The following IFNLR1 variants were observed in gnomAD, a reference collection of about 807,000 sequenced individuals.
IFNLR1 encodes the protein CRF2-12.
In IFNLR1, 28 loss-of-function variants were observed where a neutral mutation model predicts 52.5. The observed-to-expected ratio is 0.53, with a 90% CI of 0.40 to 0.73. The LOEUF (loss-of-function observed/expected upper bound fraction) is 0.73, where lower values mean the gene tolerates loss of function less well. Ranked by LOEUF, IFNLR1 falls within the 30% of genes least tolerant of loss-of-function variation. The probability of loss-of-function intolerance (pLI) is 0.00; values close to 1 mark genes in which losing one functional copy is unlikely to be tolerated. For synonymous variants in IFNLR1, 276 were observed against 274.9 expected, an observed-to-expected ratio of 1.00 and a Z score of -0.04; for missense variants, 623 against 659.1, an observed-to-expected ratio of 0.95 and a Z score of 0.60.
At chr1:24,162,863 C>T (rs1181856878) in intron 3 of IFNLR1, among the ~76,000 whole-genome samples, 1 of 76,426 alleles carries the variant, frequency 1.3e-5, no homozygotes, top group African/African-American at 5.7e-5. Flanking sequence ...TTCTTTCTTT[C>T]TTTCTTTCTT....
At chr1:24,178,638 G>A (rs1176752601) in intron 2 of IFNLR1, among the ~76,000 whole-genome samples, 3 of 152,152 alleles carry the variant, frequency 2.0e-5, no homozygotes, top group African/African-American at 4.8e-5. Context: ...AGCAGAGTAC[G>A]TCGCAATAGA....
intron 4 of IFNLR1, 157 bp downstream of exon 4, chr1:24,161,385 A>G: frequency 1.3e-6 from 1 of 780,608 alleles, no homozygotes; most frequent in Non-Finnish European, 2.1e-6. Flanking sequence ...TCATACTTTG[A>G]TCAGATTTTA....
intron 3 of IFNLR1, among the ~76,000 whole-genome samples, chr1:24,166,580 T>C (rs2148592885): frequency 6.6e-6 from 1 of 152,256 alleles, no homozygotes; most frequent in South Asian, 2.1e-4. Context: ...AGGGTGTTGC[T>C]CTGTCACCGA....
chr1:24,167,780 T>C (rs1644534697), intron 3 of IFNLR1, among the ~76,000 whole-genome samples: 1 of 152,142 alleles, frequency 6.6e-6, no homozygotes, highest in African/African-American at 2.4e-5. Flanking sequence ...CTGCAAGCTC[T>C]GCCTCCTGGG....
At chr1:24,186,545 G>T (rs1644740803) in intron 1 of IFNLR1, among the ~76,000 whole-genome samples, 3 of 152,018 alleles carry the variant, frequency 2.0e-5, no homozygotes. Flanking sequence ...TATCCTGGGG[G>T]CGATTTCTGG....
chr1:24,180,801 T>A lies in IFNLR1; in HGVS notation c.112A>T (p.Ser38Cys), dbSNP rs1454891291. The A allele has an allele frequency of 6.2e-7, 1 of 1,613,702 alleles. No individual in the cohort carries two copies. Among genetic ancestry groups the A allele is most frequent in the South Asian group, 1.1e-5 (1 of 91,086 alleles). ...CCTGGGAGCCATGTCAGGTACACGCTGAAGTTCTGGGAGAGCAGCGTCACA... is the reference window on the plus strand; with the variant it reads ...CCTGGGAGCCATGTCAGGTACACGCAGAAGTTCTGGGAGAGCAGCGTCACA... Reference protein sequence around the residue: ...QNVTLLSQNFSVYLTWLPGLG... With the variant: ...QNVTLLSQNFCVYLTWLPGLG... Residue 38 changes from serine to cysteine, a missense_variant, in exon 2 of 7, where the codon AGC (serine) becomes TGC (cysteine). Physicochemically the swap from Ser to Cys is moderately radical, Grantham distance 112. Transcript: ENST00000327535.
At chr1:24,186,480 A>G (rs1015631363) in intron 1 of IFNLR1, among the ~76,000 whole-genome samples, 1 of 152,118 alleles carries the variant, frequency 6.6e-6, no homozygotes, top group African/African-American at 2.4e-5. Flanking sequence ...TGATGATTGG[A>G]TTATGCCCAG....
In IFNLR1 at chr1:24,176,538, G is replaced by T. The variant is rs545232819; in HGVS notation, c.182+4193C>A. On this transcript the variant is annotated intron_variant, in intron 2 of 6. Transcript: ENST00000327535. ...AGAAAATTGGAATTAATTCAGCACG[G>T]CAAGCTATGATAAGAAATGTGCGCT... Among the ~76,000 whole-genome samples, 4 of 152,346 alleles carry T rather than the reference G, an allele frequency of 2.6e-5. No individual in the cohort carries two copies. The South Asian group carries it at 8.3e-4, about 32-fold the overall frequency.
At chr1:24,183,833 G>A (rs1222016161) in intron 1 of IFNLR1, among the ~76,000 whole-genome samples, 2 of 152,130 alleles carry the variant, frequency 1.3e-5, no homozygotes, top group East Asian at 3.9e-4. Context: ...GGGTTCAAGC[G>A]ATTCTCCTGC....
At chr1:24,179,905 T>A (rs1644671297) in intron 2 of IFNLR1, among the ~76,000 whole-genome samples, 1 of 152,230 alleles carries the variant, frequency 6.6e-6, no homozygotes, top group South Asian at 2.1e-4. Flanking sequence ...GATTCCCATC[T>A]ATGTTCGAAG....
Position 24,157,514 on chromosome 1 carries a change from A to G in IFNLR1, c.1179T>C (p.Thr393=), listed in dbSNP as rs1410400694. 1 of 1,611,380 alleles carries G rather than the reference A, an allele frequency of 6.2e-7. No individual in the cohort carries two copies. The highest frequency in any genetic ancestry group is 1.7e-5 in the Admixed American group (1 of 59,650). The change falls in exon 7 of 7, where the codon ACT becomes ACC. Residue 393 remains threonine (T), a synonymous_variant. Transcript: ENST00000327535. This position sits in a 1 kb window ranked among gnomAD's most constrained non-coding sequence, Gnocchi z 5.1. The part of the protein sequence containing the change: ...WDSSDRSWAS[T]VDSSWDRAGS... Reference sequence around the variant, plus strand: ...CAGCCCTGTCCCAGGAGGAGTCCACAGTGCTGGCCCAGCTTCTGTCTGAAG... The same window carrying G: ...CAGCCCTGTCCCAGGAGGAGTCCACGGTGCTGGCCCAGCTTCTGTCTGAAG...
Position 24,157,680 on chromosome 1 carries a change from A to ACGC in IFNLR1, c.1010_1012dup (p.Gly337dup). 6.2e-7 allele frequency: 1 copy of ACGC among 1,613,168 alleles called. No individual in the cohort carries two copies. The highest frequency in any genetic ancestry group is 1.1e-5 in the South Asian group (1 of 90,834). On this transcript the variant is annotated inframe_insertion, in exon 7 of 7. Transcript: ENST00000327535. The surrounding 1 kb of genome is among the most constrained non-coding windows in gnomAD (Gnocchi z 5.1). ...TGGTTCAATGTAGGGCTGGAAGCTG[A>ACGC]CGCCATCTTCTGTGTCCTCCTCATC...
intron 3 of IFNLR1, among the ~76,000 whole-genome samples, chr1:24,162,830 C>T (rs201219142): frequency 0.08 from 2,927 of 36,684 alleles, 349 homozygotes; most frequent in Admixed American, 0.099. Context: ...TTCTTTCTTT[C>T]TTTTCTTTCT....
intron 2 of IFNLR1, 117 bp from the exon 3 acceptor site, chr1:24,169,718 G>T: frequency 1.5e-5 from 16 of 1,047,568 alleles, no homozygotes; most frequent in Non-Finnish European, 2.2e-5. Flanking sequence ...AGGTCCATCC[G>T]TCCAGACAGG....
chr1:24,159,678 T>G, intron 4 of IFNLR1, 45 bp from the exon 5 acceptor site: 1 of 1,575,122 alleles, frequency 6.3e-7, no homozygotes, highest in Non-Finnish European at 8.7e-7. Flanking sequence ...CTGTGGGGAC[T>G]GGTTTCACAC....
At chr1:24,167,943 C>T (rs371218122) in intron 3 of IFNLR1, among the ~76,000 whole-genome samples, 42 of 152,158 alleles carry the variant, frequency 2.8e-4, no homozygotes, top group South Asian at 1.5e-3. Context: ...GTGATCCGCC[C>T]GCCTCGGCCT....
rs6143167 is a variant in IFNLR1 at position 24,159,726 on chromosome 1, G to GTTTTTTTTTTTTTGTTTT, written c.511-94_511-93insAAAACAAAAAAAAAAAAA. ...GTGGGGTTGGCAGACATGGTAGGGT[G>GTTTTTTTTTTTTTGTTTT]TTTTTTTTTTGTTTTTTTTTTTTGT... On this transcript the variant is annotated intron_variant, in intron 4 of 6. Transcript: ENST00000327535. 324 of 762,478 alleles carry GTTTTTTTTTTTTTGTTTT rather than the reference G, an allele frequency of 4.2e-4. 1 individual carries two copies. The highest frequency in any genetic ancestry group is 9.9e-4 in the Middle Eastern group (3 of 3,020). The allele number at this position is 762,478 out of a possible 1,614,324, so 47.2% of individuals were successfully genotyped here.
In IFNLR1 at chr1:24,157,781, C is replaced by A. The variant is rs543005854; in HGVS notation, c.912G>T (p.Pro304=). ...TGGCTGGGGCCCTGACTCGAGGCGT[C>A]GGCCTGACCCCTCTGGTCAGTTCCT... ...PQKELTRGVR[P]TPRVRAPATQ... Residue 304 remains proline (P), a synonymous_variant, in exon 7 of 7, where the codon CCG becomes CCT. Coordinates refer to ENST00000327535, the MANE Select transcript of IFNLR1 (RefSeq NM_170743.4). The surrounding 1 kb of genome is among the most constrained non-coding windows in gnomAD (Gnocchi z 5.1). 2 of 1,614,188 alleles carry A rather than the reference C, an allele frequency of 1.2e-6. No individual in the cohort carries two copies. The highest frequency in any genetic ancestry group is 1.7e-6 in the Non-Finnish European group (2 of 1,180,040).
At chr1:24,166,361 C>T (rs188684818) in intron 3 of IFNLR1, among the ~76,000 whole-genome samples, 2 of 152,004 alleles carry the variant, frequency 1.3e-5, no homozygotes, top group Admixed American at 6.6e-5. Context: ...TCTTCCCATA[C>T]ATCCATTCTT....
Sources: gnomAD v4.1 joint callset for allele counts (sites outside exome capture counted in the v4.1 genomes callset) on GRCh38, gnomAD v4.1.1 for gene constraint, Gnocchi (gnomAD v3.1) non-coding constraint, MANE v1.5 for transcripts, NCBI Gene and HGNC (gene_info 2026-07-23, HGNC 2026-07-21) for gene names.